PLPPR5: variants seen among roughly 807,000 people sequenced by gnomAD.
The protein encoded by PLPPR5 is phospholipid phosphatase-related protein type 5.
PLPPR5 carries 16 observed loss-of-function variants against 33.9 expected under a neutral mutation model. The ratio of observed to expected loss-of-function variants is 0.47; its 90% confidence interval spans 0.32 to 0.72. The LOEUF is 0.72. Ranked by LOEUF, PLPPR5 falls within the 30% of genes least tolerant of loss-of-function variation. PLPPR5 has a pLI of 0.03. For synonymous variants in PLPPR5, 163 were observed against 150.3 expected, an observed-to-expected ratio of 1.08 and a Z score of -0.62; for missense variants, 301 against 406.7, an observed-to-expected ratio of 0.74 and a Z score of 2.23.
chr1:98,927,372 C>G (rs559891378), intron 3 of PLPPR5, among the ~76,000 whole-genome samples: 175 of 152,340 alleles, frequency 1.1e-3, no homozygotes, highest in Non-Finnish European at 2.1e-3. Flanking sequence ...CTTCACTGGC[C>G]TCCACTGCCA....
Position 98,987,482 on chromosome 1 carries a change from C to T in PLPPR5, c.237+16953G>A, listed in dbSNP as rs76893551. Among the ~76,000 whole-genome samples, 927 of 151,876 alleles carry T rather than the reference C, an allele frequency of 6.1e-3. 14 individuals carry two copies. The highest frequency in any genetic ancestry group is 0.022 in the African/African-American group (900 of 41,494). On this transcript the variant is annotated intron_variant, in intron 1 of 5. Coordinates refer to ENST00000263177, the MANE Select transcript of PLPPR5 (RefSeq NM_001037317.2). The stretch of plus-strand genomic sequence containing the variant: ...ATACCATATTTCCCTATGAGTTGTG[C>T]CATTATCATAGTGAACTCAAATCAG...
chr1:98,961,372 T>C (rs1651244650), intron 1 of PLPPR5, among the ~76,000 whole-genome samples: 1 of 152,238 alleles, frequency 6.6e-6, no homozygotes, highest in African/African-American at 2.4e-5. Context: ...GTAACCTTTT[T>C]CCTATTAGCT....
intron 3 of PLPPR5, among the ~76,000 whole-genome samples, chr1:98,932,491 T>C (rs895607339): frequency 3.9e-5 from 6 of 152,352 alleles, no homozygotes; most frequent in Non-Finnish European, 8.8e-5. Flanking sequence ...ACTGCTTATA[T>C]ATAATTAGAA....
At chr1:99,001,665 G>A (rs1330500879) in intron 1 of PLPPR5, among the ~76,000 whole-genome samples, 1 of 82,280 alleles carries the variant, frequency 1.2e-5, no homozygotes, top group African/African-American at 4.5e-5. Context: ...GAGTTTGAAA[G>A]TTAAAGATAT....
chr1:98,950,837 C>A (rs1650756567), intron 3 of PLPPR5, among the ~76,000 whole-genome samples: 1 of 152,084 alleles, frequency 6.6e-6, no homozygotes, highest in African/African-American at 2.4e-5. Flanking sequence ...GCATGCAGCA[C>A]CACACCTGGC....
intron 5 of PLPPR5, among the ~76,000 whole-genome samples, chr1:98,894,504 A>G (rs1648398918): frequency 6.6e-6 from 1 of 152,092 alleles, no homozygotes; most frequent in South Asian, 2.1e-4. Flanking sequence ...TCAGCACAAA[A>G]CCGTCATGAA....
intron 3 of PLPPR5, among the ~76,000 whole-genome samples, chr1:98,940,420 C>A (rs1650329797): frequency 6.6e-6 from 1 of 151,908 alleles, no homozygotes; most frequent in Admixed American, 6.6e-5. Context: ...CAAATATTAT[C>A]ACTTAGGGGT....
intron 4 of PLPPR5, among the ~76,000 whole-genome samples, chr1:98,921,602 C>G (rs755740158): frequency 2.6e-5 from 4 of 152,058 alleles, no homozygotes; most frequent in Non-Finnish European, 5.9e-5. Flanking sequence ...TTGGGAGGGA[C>G]AGTATGTTTT....
rs143385317 is a variant in PLPPR5, at chr1:98,975,696, C to T, written c.238-18955G>A. On this transcript the variant is annotated intron_variant, in intron 1 of 5. Transcript: ENST00000263177. ...AAAAGGGTCGGCTGGGACCCATACA[C>T]ATGAACATACTTTGTACCTTTAAGA... Among the ~76,000 whole-genome samples the T allele has an allele frequency of 4.8e-3, 734 of 152,136 alleles. 5 individuals carry two copies. Among genetic ancestry groups the T allele is most frequent in the African/African-American group, 0.016 (670 of 41,530 alleles).
chr1:98,995,167 G>T (rs968587551), intron 1 of PLPPR5, among the ~76,000 whole-genome samples: 3 of 152,006 alleles, frequency 2.0e-5, no homozygotes, highest in Non-Finnish European at 4.4e-5. Flanking sequence ...ACACCCAAAA[G>T]AATATAAATC....
At chr1:98,942,874 T>C (rs1344009768) in intron 3 of PLPPR5, among the ~76,000 whole-genome samples, 4 of 152,174 alleles carry the variant, frequency 2.6e-5, no homozygotes, top group Non-Finnish European at 5.9e-5. Context: ...AGTTCAGTGA[T>C]ACCTTTCCTC....
At chr1:98,962,185 T>A (rs1031418536) in intron 1 of PLPPR5, among the ~76,000 whole-genome samples, 6 of 152,216 alleles carry the variant, frequency 3.9e-5, no homozygotes, top group African/African-American at 1.4e-4. Flanking sequence ...TTGCTTTTAT[T>A]TATATTATTT....
chr1:98,906,684 G>A lies in PLPPR5; in HGVS notation c.933+8102C>T, dbSNP rs138211402. Reference sequence around the variant, plus strand: ...TGGGAACAATACTACTACCTATCACGGAATTTATAGGGTTCTTTCTCCAGT... The same window carrying A: ...TGGGAACAATACTACTACCTATCACAGAATTTATAGGGTTCTTTCTCCAGT... On this transcript the variant is annotated intron_variant, in intron 5 of 5. Coordinates refer to ENST00000263177, the MANE Select transcript of PLPPR5 (RefSeq NM_001037317.2). Among the ~76,000 whole-genome samples the A allele has an allele frequency of 3.6e-3, 543 of 152,172 alleles. 2 individuals carry two copies. Among genetic ancestry groups the A allele is most frequent in the African/African-American group, 0.013 (519 of 41,514 alleles).
intron 3 of PLPPR5, among the ~76,000 whole-genome samples, chr1:98,951,333 G>A (rs58340605): frequency 0.085 from 12,990 of 152,136 alleles, 604 homozygotes; most frequent in African/African-American, 0.12. Flanking sequence ...AGGCCCAAAG[G>A]TACCTTAGAA....
chr1:98,913,271 C>T (rs1649219745), intron 5 of PLPPR5, among the ~76,000 whole-genome samples: 1 of 152,196 alleles, frequency 6.6e-6, no homozygotes, highest in African/African-American at 2.4e-5. Flanking sequence ...CATTAATTCA[C>T]TCATTTAACA....
chr1:98,947,174 T>G (rs1380471058), intron 3 of PLPPR5, among the ~76,000 whole-genome samples: 3 of 152,156 alleles, frequency 2.0e-5, no homozygotes, highest in Non-Finnish European at 4.4e-5. Flanking sequence ...CCTAATCAAA[T>G]AGTATATTTA....
intron 3 of PLPPR5, among the ~76,000 whole-genome samples, chr1:98,936,445 G>A (rs1456415603): frequency 2.6e-5 from 4 of 152,170 alleles, no homozygotes; most frequent in Admixed American, 2.6e-4. Flanking sequence ...ACCCAACCCA[G>A]TTGTTTCCAC....
At chr1:98,952,791 A>G (rs1223553028) in intron 3 of PLPPR5, among the ~76,000 whole-genome samples, 1 of 152,194 alleles carries the variant, frequency 6.6e-6, no homozygotes, top group Non-Finnish European at 1.5e-5. Context: ...TGTTTCCACT[A>G]AGTCCTGTTT....
intron 1 of PLPPR5, among the ~76,000 whole-genome samples, chr1:98,998,543 C>T (rs561939666): frequency 1.7e-3 from 256 of 152,244 alleles, no homozygotes; most frequent in Middle Eastern, 6.8e-3. Context: ...TCCATCGAAG[C>T]AGGAACATTG....
Sources: gnomAD v4.1 joint callset for allele counts (sites outside exome capture counted in the v4.1 genomes callset) on GRCh38, gnomAD v4.1.1 for gene constraint, MANE v1.5 for transcripts, NCBI Gene and HGNC (gene_info 2026-07-23, HGNC 2026-07-21) for gene names.